SORCS1: variants seen among roughly 807,000 people sequenced by gnomAD.
The protein encoded by SORCS1 is sortilin related VPS10 domain containing receptor 1.
Under a neutral mutation model 146.1 loss-of-function variants are expected in SORCS1, and 60 were observed. The observed-to-expected ratio is 0.41, with a 90% CI of 0.33 to 0.51. The LOEUF (loss-of-function observed/expected upper bound fraction) is 0.51, where lower values mean the gene tolerates loss of function less well. Ranked by LOEUF, SORCS1 falls within the 20% of genes least tolerant of loss-of-function variation. The pLI, the probability that SORCS1 is intolerant of heterozygous loss-of-function variation, is 0.21. For synonymous variants in SORCS1, 637 were observed against 584.0 expected, an observed-to-expected ratio of 1.09 and a Z score of -1.31; for missense variants, 1,352 against 1,487.6, an observed-to-expected ratio of 0.91 and a Z score of 1.50.
At chr10:106,590,349 G>C (rs764522306) in intron 24 of SORCS1, among the ~76,000 whole-genome samples, 1 of 152,128 alleles carries the variant, frequency 6.6e-6, no homozygotes, top group Admixed American at 6.5e-5. Flanking sequence ...AGCTCAGTGT[G>C]AGTGAGGGCC....
intron 21 of SORCS1, among the ~76,000 whole-genome samples, chr10:106,613,541 C>T (rs1204088766): frequency 6.6e-6 from 1 of 152,178 alleles, no homozygotes; most frequent in South Asian, 2.1e-4. Flanking sequence ...GAGCCCTAGC[C>T]CTAGCTTGGT....
intron 1 of SORCS1, among the ~76,000 whole-genome samples, chr10:107,096,186 A>G (rs1964534659): frequency 6.6e-6 from 1 of 152,218 alleles, no homozygotes; most frequent in Non-Finnish European, 1.5e-5. Context: ...ATGGCAAGTT[A>G]TTGTTGCAAG....
chr10:106,581,585 T>C (rs1407061599), intron 24 of SORCS1, among the ~76,000 whole-genome samples: 1 of 152,070 alleles, frequency 6.6e-6, no homozygotes, highest in African/African-American at 2.4e-5. Context: ...TGGATATGTA[T>C]GTGTGCATGC....
chr10:106,751,944 G>A (rs926754530), intron 5 of SORCS1, among the ~76,000 whole-genome samples: 1 of 152,118 alleles, frequency 6.6e-6, no homozygotes, highest in African/African-American at 2.4e-5. Context: ...AGAAGGAAAT[G>A]AAAAGAAGAC....
chr10:107,159,948 G>A (rs1969578507), intron 1 of SORCS1, among the ~76,000 whole-genome samples: 1 of 152,084 alleles, frequency 6.6e-6, no homozygotes, highest in Non-Finnish European at 1.5e-5. Flanking sequence ...ATCTATTCCT[G>A]AGGAACAACT....
chr10:107,085,028 G>A (rs923875506), intron 1 of SORCS1, among the ~76,000 whole-genome samples: 4 of 152,152 alleles, frequency 2.6e-5, no homozygotes, highest in Non-Finnish European at 5.9e-5. Context: ...AGAGCAGTGT[G>A]AAGCCCTCAA....
chr10:106,946,030 T>C (rs1259542144), intron 2 of SORCS1, among the ~76,000 whole-genome samples: 1 of 152,210 alleles, frequency 6.6e-6, no homozygotes, highest in African/African-American at 2.4e-5. Context: ...TTTTCCCACT[T>C]GGCACTGGTT....
chr10:107,103,869 G>T (rs1965120160), intron 1 of SORCS1, among the ~76,000 whole-genome samples: 1 of 152,070 alleles, frequency 6.6e-6, no homozygotes, highest in African/African-American at 2.4e-5. Flanking sequence ...CACTGCCGTG[G>T]GCTTCATTTT....
chr10:107,149,551 C>T (rs1266708762), intron 1 of SORCS1, among the ~76,000 whole-genome samples: 2 of 152,164 alleles, frequency 1.3e-5, no homozygotes, highest in African/African-American at 2.4e-5. Flanking sequence ...CACCATTGTG[C>T]TAATCAGATT....
chr10:106,591,220 G>A lies in SORCS1; in HGVS notation c.3265+6131C>T, dbSNP rs571791062. On this transcript the variant is annotated intron_variant, in intron 24 of 25. Coordinates refer to ENST00000263054, the MANE Select transcript of SORCS1 (RefSeq NM_052918.5). Reference sequence around the variant, plus strand: ...TTTTGGTAACAGTCGCCTGCCAGTCGTTCTCCCATTCTCTCTCAGATCTCT... The same window carrying A: ...TTTTGGTAACAGTCGCCTGCCAGTCATTCTCCCATTCTCTCTCAGATCTCT... Among the ~76,000 whole-genome samples the A allele has an allele frequency of 7.2e-5, 11 of 152,212 alleles. No homozygotes were observed. In the East Asian group the frequency reaches 1.2e-3, roughly 16 times the overall value.
chr10:106,865,729 A>C (rs1368463743), intron 2 of SORCS1, among the ~76,000 whole-genome samples: 4 of 151,736 alleles, frequency 2.6e-5, no homozygotes, highest in Admixed American at 2.0e-4. Context: ...ATCTCAAAAA[A>C]ATAAATAAAA....
In SORCS1 at chr10:107,046,153, G is replaced by T. The variant is rs140725572; in HGVS notation, c.559-89573C>A. The stretch of plus-strand genomic sequence containing the variant: ...GTACAGACAGGGTTTCACCACGTTG[G>T]CCAGATGGTCTCAATCTCTTGAATT... On this transcript the variant is annotated intron_variant, in intron 1 of 25. Coordinates refer to ENST00000263054, the MANE Select transcript of SORCS1 (RefSeq NM_052918.5). 2.3e-3 allele frequency among the ~76,000 whole-genome samples: 348 copies of T among 152,184 alleles called. 1 individual carries two copies. The highest frequency in any genetic ancestry group is 6.8e-3 in the Middle Eastern group (2 of 294).
intron 17 of SORCS1, among the ~76,000 whole-genome samples, chr10:106,653,606 T>C (rs1850051278): frequency 6.6e-6 from 1 of 152,220 alleles, no homozygotes; most frequent in African/African-American, 2.4e-5. Context: ...CAGAAAACCT[T>C]TATTTACAAA....
chr10:106,901,129 G>T (rs1158159235), intron 2 of SORCS1, among the ~76,000 whole-genome samples: 3 of 152,086 alleles, frequency 2.0e-5, no homozygotes, highest in African/African-American at 7.2e-5. Flanking sequence ...TCAGTAGAGT[G>T]GTAAACTAAA....
At chr10:107,173,122 T>C in the SORCS1 span, among the ~76,000 whole-genome samples, 1 of 152,168 alleles carries the variant, frequency 6.6e-6, no homozygotes, top group Non-Finnish European at 1.5e-5. Context: ...GCATCCACTC[T>C]GACAAAAGTA....
chr10:107,005,779 T>C (rs531389470), intron 1 of SORCS1, among the ~76,000 whole-genome samples: 6 of 152,236 alleles, frequency 3.9e-5, no homozygotes, highest in Non-Finnish European at 8.8e-5. Context: ...AATAGGCATA[T>C]GATTCTCACA....
At chr10:106,994,791 G>T (rs1299788657) in intron 1 of SORCS1, among the ~76,000 whole-genome samples, 1 of 152,316 alleles carries the variant, frequency 6.6e-6, no homozygotes, top group East Asian at 1.9e-4. Flanking sequence ...AGGAGAAGAT[G>T]AAGAGGCAAT....
rs116588856 is a variant in SORCS1, at chr10:106,754,766, G to A, written c.959+6822C>T. 3.2e-3 allele frequency among the ~76,000 whole-genome samples: 494 copies of A among 152,196 alleles called. 1 individual carries two copies. The highest frequency in any genetic ancestry group is 0.011 in the African/African-American group (455 of 41,508). ...ATAATACAGATGTCATATAACTCCC[G>A]GAGGGACATCCTTGAAACATAGCTG... On this transcript the variant is annotated intron_variant, in intron 5 of 25. Transcript: ENST00000263054.
chr10:107,116,097 A>G (rs1447502775), intron 1 of SORCS1, among the ~76,000 whole-genome samples: 3 of 151,932 alleles, frequency 2.0e-5, no homozygotes, highest in Non-Finnish European at 2.9e-5. Context: ...GATGGCCATT[A>G]TCAAAAAGAC....
Sources: allele counts gnomAD v4.1 joint callset (sites outside exome capture counted in the v4.1 genomes callset), GRCh38; gene constraint gnomAD v4.1.1; transcripts MANE v1.5; gene names NCBI Gene and HGNC (gene_info 2026-07-23, HGNC 2026-07-21).